The following KTN1 variants were observed in gnomAD, a reference collection of about 807,000 sequenced individuals.
KTN1 encodes the protein kinectin.
A neutral mutation model predicts 222.5 loss-of-function variants in KTN1; 130 were observed. The observed-to-expected ratio is 0.58, with a 90% CI of 0.51 to 0.68. The LOEUF (loss-of-function observed/expected upper bound fraction) is 0.68, where lower values mean the gene tolerates loss of function less well. Ranked by LOEUF, KTN1 falls within the 30% of genes least tolerant of loss-of-function variation. KTN1 has a pLI of 0.00. For missense variants in KTN1, 1,508 were observed against 1,500.4 expected, an observed-to-expected ratio of 1.01 and a Z score of -0.08; for synonymous variants, 512 against 496.3, an observed-to-expected ratio of 1.03 and a Z score of -0.42.
At chr14:55,616,103 T>TG (rs2038355384) in intron 2 of KTN1, among the ~76,000 whole-genome samples, 1 of 151,814 alleles carries the variant, frequency 6.6e-6, no homozygotes, top group African/African-American at 2.4e-5. Context: ...TTCGTAGAGA[T>TG]GGAGTTTTGT....
At chr14:55,674,657 C>G (rs933075719) in intron 40 of KTN1, 2 of 152,060 alleles carry the variant, frequency 1.3e-5, no homozygotes, top group Admixed American at 6.6e-5. Context: ...TACTTATTAA[C>G]TTTGGTGCTT....
chr14:55,647,094 A>G, intron 19 of KTN1, 87 bp downstream of exon 19: 2 of 869,964 alleles, frequency 2.3e-6, no homozygotes, highest in Non-Finnish European at 1.9e-6. Flanking sequence ...TTCTCTTTAA[A>G]CTTTGTAATG....
At chr14:55,624,591 G>T (rs1439584090) in intron 5 of KTN1, among the ~76,000 whole-genome samples, 1 of 152,148 alleles carries the variant, frequency 6.6e-6, no homozygotes, top group Non-Finnish European at 1.5e-5. Flanking sequence ...GATTGAGGAA[G>T]ATAATCCACT....
At chr14:55,591,610 C>T (rs1459642936) in intron 1 of KTN1, among the ~76,000 whole-genome samples, 3 of 93,270 alleles carry the variant, frequency 3.2e-5, no homozygotes, top group African/African-American at 8.5e-5. Flanking sequence ...TTTTTTGAGA[C>T]GGAATTTTGC....
chr14:55,617,407 A>G (rs1316512567), intron 3 of KTN1, among the ~76,000 whole-genome samples: 2 of 152,210 alleles, frequency 1.3e-5, no homozygotes, highest in Admixed American at 6.5e-5. Context: ...AATTAGGAAC[A>G]AAATAAAGAG....
intron 41 of KTN1, among the ~76,000 whole-genome samples, chr14:55,678,050 A>G (rs1294605530): frequency 6.6e-6 from 1 of 152,222 alleles, no homozygotes; most frequent in Non-Finnish European, 1.5e-5. Context: ...CTGTACAAAA[A>G]CAGGCTTTGG....
chr14:55,650,927 T>A (rs1486780805), intron 24 of KTN1, among the ~76,000 whole-genome samples: 1 of 152,198 alleles, frequency 6.6e-6, no homozygotes, highest in Non-Finnish European at 1.5e-5. Context: ...GCAATTTTTT[T>A]AATCCCCCTG....
intron 1 of KTN1, among the ~76,000 whole-genome samples, chr14:55,600,974 G>C (rs2035890793): frequency 1.3e-5 from 2 of 152,012 alleles, no homozygotes. Context: ...GCTGGTTTGG[G>C]CATGATGAGT....
chr14:55,581,623 G>T (rs1398275496), intron 1 of KTN1, among the ~76,000 whole-genome samples: 1 of 152,150 alleles, frequency 6.6e-6, no homozygotes, highest in Non-Finnish European at 1.5e-5. Context: ...TGAACTAAAG[G>T]TTCTGAATTG....
At chr14:55,676,055 T>TACA in intron 41 of KTN1, 137 bp downstream of exon 41, 1 of 560,656 alleles carries the variant, frequency 1.8e-6, no homozygotes, top group South Asian at 3.0e-5. Flanking sequence ...AAGCTGCTTG[T>TACA]TATTAGTTAG....
chr14:55,661,715 A>C (rs2044162823), intron 32 of KTN1, 103 bp downstream of exon 32: 1 of 585,602 alleles, frequency 1.7e-6, no homozygotes, highest in African/African-American at 1.9e-5. Flanking sequence ...TAGATTTCTT[A>C]ATCTTTGTAA....
Position 55,612,309 on chromosome 14 carries a change from A to C in KTN1, c.261A>C (p.Ser87=). The change falls in exon 2 of 44, where the codon TCA becomes TCC. Residue 87 remains serine, a synonymous_variant. Coordinates refer to ENST00000395314, the MANE Select transcript of KTN1 (RefSeq NM_001079521.2). Reference sequence around the variant, plus strand: ...GTGTACCTCGAGACTTTAAATTATCAGATGCTTTGGCAGTAGAAGATGATC... The same window carrying C: ...GTGTACCTCGAGACTTTAAATTATCCGATGCTTTGGCAGTAGAAGATGATC... ...SESVPRDFKL[S]DALAVEDDQV... is the part of the protein sequence containing the mutation. 6.2e-7 allele frequency: 1 copy of C among 1,613,778 alleles called. No homozygotes were observed. The highest frequency in any genetic ancestry group is 8.5e-7 in the Non-Finnish European group (1 of 1,179,962).
At chr14:55,634,450 T>G (rs201821180) in intron 8 of KTN1, 76 bp from the exon 9 acceptor site, 1 of 727,398 alleles carries the variant, frequency 1.4e-6, no homozygotes, top group Non-Finnish European at 1.8e-6. Context: ...TCAGCAAAAC[T>G]AACAAAGTAT....
intron 5 of KTN1, among the ~76,000 whole-genome samples, chr14:55,620,430 T>G (rs2093800): frequency 0.36 from 54,635 of 152,026 alleles, 9,866 homozygotes; most frequent in South Asian, 0.4. Context: ...TTTCCCTTCC[T>G]CACTACCCTA....
At chr14:55,639,247 A>AT in intron 13 of KTN1, 25 bp downstream of exon 13, 1 of 1,553,264 alleles carries the variant, frequency 6.4e-7, no homozygotes, top group Non-Finnish European at 8.9e-7. Context: ...TCACACTCTT[A>AT]TAATTGTGTA....
intron 5 of KTN1, among the ~76,000 whole-genome samples, chr14:55,621,849 T>C (rs1311431437): frequency 3.6e-5 from 3 of 82,466 alleles, no homozygotes; most frequent in Admixed American, 2.3e-4. Context: ...TATATTACTT[T>C]TTTTTTTTTT....
At chr14:55,629,187 C>T (rs2040211821) in intron 6 of KTN1, among the ~76,000 whole-genome samples, 2 of 151,910 alleles carry the variant, frequency 1.3e-5, no homozygotes, top group African/African-American at 4.8e-5. Context: ...GAGGCTGAGG[C>T]GGGTGAATCA....
chr14:55,648,761 A>G (rs369771891), intron 20 of KTN1, 41 bp from the exon 21 acceptor site: 2 of 1,302,484 alleles, frequency 1.5e-6, no homozygotes, highest in Middle Eastern at 1.9e-4. Flanking sequence ...TATATTTTTC[A>G]GAGAGTAAAA....
chr14:55,621,649 A>G (rs1305793880), intron 5 of KTN1, among the ~76,000 whole-genome samples: 1 of 151,944 alleles, frequency 6.6e-6, no homozygotes, highest in African/African-American at 2.4e-5. Context: ...TTCATGATTC[A>G]ATTATCTCCC....
Sources: gnomAD v4.1 joint callset for allele counts (sites outside exome capture counted in the v4.1 genomes callset) on GRCh38, gnomAD v4.1.1 for gene constraint, MANE v1.5 for transcripts, NCBI Gene and HGNC (gene_info 2026-07-23, HGNC 2026-07-21) for gene names.